Variants in NEGR1 observed in about 807,000 individuals in gnomAD.
NEGR1 encodes the protein neuronal growth regulator 1.
In NEGR1, 10 loss-of-function variants were observed where a neutral mutation model predicts 40.9. That is an observed-to-expected ratio of 0.24 (90% confidence interval 0.15 to 0.42). The LOEUF (loss-of-function observed/expected upper bound fraction) is 0.42, where lower values mean the gene tolerates loss of function less well. Ranked by LOEUF, NEGR1 falls within the 10% of genes least tolerant of loss-of-function variation. The pLI is 1.00. For missense variants in NEGR1, 352 were observed against 438.9 expected (o/e 0.80, Z 1.77); for synonymous variants, 185 against 166.8 (o/e 1.11, Z -0.84).
intron 6 of NEGR1, among the ~76,000 whole-genome samples, chr1:71,531,626 C>G (rs1314863726): frequency 1.3e-5 from 2 of 151,174 alleles, no homozygotes; most frequent in African/African-American, 2.4e-5. Flanking sequence ...ATATGACACT[C>G]AACTTTGAGA....
intron 5 of NEGR1, among the ~76,000 whole-genome samples, chr1:71,596,307 C>A (rs1313548306): frequency 1.3e-5 from 2 of 152,232 alleles, no homozygotes; most frequent in African/African-American, 4.8e-5. Context: ...TCCCTTCTGG[C>A]TTTTGCCAAT....
chr1:71,749,388 C>T (rs1192925403), intron 3 of NEGR1, among the ~76,000 whole-genome samples: 4 of 152,170 alleles, frequency 2.6e-5, no homozygotes, highest in East Asian at 3.9e-4. Flanking sequence ...TGTTATTTTT[C>T]GTGAGTAAAA....
At chr1:71,837,864 C>T (rs1397362753) in intron 2 of NEGR1, among the ~76,000 whole-genome samples, 1 of 151,956 alleles carries the variant, frequency 6.6e-6, no homozygotes, top group Non-Finnish European at 1.5e-5. Context: ...TAATCTAGTT[C>T]CCTTATTTCT....
intron 6 of NEGR1, among the ~76,000 whole-genome samples, chr1:71,543,205 T>A (rs758744236): frequency 5.3e-5 from 8 of 151,702 alleles, no homozygotes; most frequent in Non-Finnish European, 1.0e-4. Context: ...CAAATATGTA[T>A]GTTTTGGTGT....
chr1:71,927,776 G>T (rs1253153225), intron 2 of NEGR1, among the ~76,000 whole-genome samples: 1 of 135,394 alleles, frequency 7.4e-6, no homozygotes, highest in Non-Finnish European at 1.5e-5. Flanking sequence ...CTGAGCCCAG[G>T]CGTTTGAGAC....
chr1:71,737,897 T>G (rs1280253517), intron 3 of NEGR1, among the ~76,000 whole-genome samples: 1 of 152,184 alleles, frequency 6.6e-6, no homozygotes, highest in Non-Finnish European at 1.5e-5. Flanking sequence ...TTTTTAGTCC[T>G]CACGGGTGGC....
chr1:72,282,471 C>T lies in NEGR1; in HGVS notation c.24G>A (p.Gln8=). 6.2e-7 allele frequency: 1 copy of T among 1,613,428 alleles called. No homozygotes were observed. Among genetic ancestry groups the T allele is most frequent in the Non-Finnish European group, 8.5e-7 (1 of 1,179,992 alleles). Residue 8 remains glutamine (Q), a synonymous_variant, in exon 1 of 7, where the codon CAG becomes CAA. Transcript: ENST00000357731. MDMMLLV[Q]GACCSNQWLA... ...GCCACTGGTTCGAGCAACAAGCACC[C>T]TGCACCAACAGCATCATGTCCATCC... is the stretch of plus-strand genomic sequence containing the variant.
chr1:72,116,788 T>C (rs1649598020), intron 1 of NEGR1, among the ~76,000 whole-genome samples: 2 of 151,726 alleles, frequency 1.3e-5, no homozygotes, highest in Admixed American at 1.3e-4. Flanking sequence ...TTTACATTAT[T>C]TATTTTCATC....
At chr1:72,003,203 T>G (rs1326027607) in intron 1 of NEGR1, among the ~76,000 whole-genome samples, 1 of 151,894 alleles carries the variant, frequency 6.6e-6, no homozygotes, top group Non-Finnish European at 1.5e-5. Context: ...CTTGATGCTT[T>G]TAAGCCCTAT....
chr1:71,830,474 C>T (rs570399216), intron 2 of NEGR1, among the ~76,000 whole-genome samples: 14 of 151,700 alleles, frequency 9.2e-5, no homozygotes, highest in African/African-American at 2.9e-4. Context: ...AAAAATAGGC[C>T]GTGCGTCAGA....
At chr1:72,112,357 ATTC>A (rs1251354896) in intron 1 of NEGR1, among the ~76,000 whole-genome samples, 4 of 151,466 alleles carry the variant, frequency 2.6e-5, no homozygotes. Context: ...CGTTTATACT[ATTC>A]TTCATTATAA....
intron 2 of NEGR1, among the ~76,000 whole-genome samples, chr1:71,790,813 A>G (rs1413601429): frequency 7.9e-5 from 12 of 152,042 alleles, no homozygotes; most frequent in African/African-American, 2.9e-4. Flanking sequence ...TTCTTTGAGT[A>G]TTTGCTGCAC....
At chr1:71,928,710 C>G (rs1645825453) in intron 2 of NEGR1, among the ~76,000 whole-genome samples, 1 of 151,682 alleles carries the variant, frequency 6.6e-6, no homozygotes, top group Non-Finnish European at 1.5e-5. Context: ...CATTTCAGAT[C>G]AATAGAAATA....
intron 1 of NEGR1, among the ~76,000 whole-genome samples, chr1:72,190,325 T>C (rs1460100668): frequency 6.6e-6 from 1 of 151,616 alleles, no homozygotes; most frequent in African/African-American, 2.4e-5. Flanking sequence ...TTTACTTCTA[T>C]AGAAAATATT....
chr1:71,452,602 T>C (rs1237571170), intron 6 of NEGR1, among the ~76,000 whole-genome samples: 1 of 152,174 alleles, frequency 6.6e-6, no homozygotes, highest in Non-Finnish European at 1.5e-5. Context: ...GTCTCCTTGA[T>C]AGTGATTTGG....
intron 4 of NEGR1, among the ~76,000 whole-genome samples, chr1:71,688,731 T>C (rs1254514736): frequency 6.6e-6 from 1 of 152,056 alleles, no homozygotes. Flanking sequence ...GTTTCCCTTT[T>C]TAAAGAGTTC....
intron 1 of NEGR1, among the ~76,000 whole-genome samples, chr1:72,165,287 A>G (rs1651726051): frequency 6.6e-6 from 1 of 152,084 alleles, no homozygotes; most frequent in South Asian, 2.1e-4. Flanking sequence ...GATATACAGA[A>G]GATACACTGT....
intron 6 of NEGR1, among the ~76,000 whole-genome samples, chr1:71,521,297 C>T (rs537061138): frequency 4.6e-5 from 7 of 151,934 alleles, no homozygotes; most frequent in Non-Finnish European, 8.8e-5. Context: ...TTTCATACCC[C>T]GTTTATAGGA....
chr1:72,240,246 C>T (rs185947618), intron 1 of NEGR1, among the ~76,000 whole-genome samples: 28 of 151,818 alleles, frequency 1.8e-4, no homozygotes. Context: ...AAGATGAAGT[C>T]CATAACAGCA....
Sources: gnomAD v4.1 joint callset for allele counts (sites outside exome capture counted in the v4.1 genomes callset) on GRCh38, gnomAD v4.1.1 for gene constraint, MANE v1.5 for transcripts, NCBI Gene and HGNC (gene_info 2026-07-23, HGNC 2026-07-21) for gene names.